INTS2: variants seen among roughly 807,000 people sequenced by gnomAD.
INTS2 encodes the protein integrator complex subunit 2, also known as KIAA1287.
INTS2 carries 57 observed loss-of-function variants against 139.6 expected under a neutral mutation model. The ratio of observed to expected loss-of-function variants is 0.41; its 90% CI spans 0.33 to 0.51. The LOEUF (loss-of-function observed/expected upper bound fraction) is 0.51. Ranked by LOEUF, INTS2 falls within the 20% of genes least tolerant of loss-of-function variation. The pLI, the probability that INTS2 is intolerant of heterozygous loss-of-function variation, is 0.28. For missense variants in INTS2, 1,196 were observed against 1,436.7 expected, an observed-to-expected ratio of 0.83 and a Z score of 2.71; for synonymous variants, 473 against 493.4, an observed-to-expected ratio of 0.96 and a Z score of 0.55.
In INTS2 at chr17:61,909,088, T is replaced by C. The variant is rs2079495949; in HGVS notation, c.955-1454A>G. Reference sequence around the variant, plus strand: ...AAGCAGGTGAACGTATAAAATAAAATGTGGTATATACACACAATGGAATAT... The same window carrying C: ...AAGCAGGTGAACGTATAAAATAAAACGTGGTATATACACACAATGGAATAT... On this transcript the variant is annotated intron_variant, in intron 7 of 24. Coordinates refer to ENST00000251334, the MANE Select transcript of INTS2 (RefSeq NM_001351695.2). The surrounding 1 kb of genome is among the most constrained non-coding windows in gnomAD (Gnocchi z 4.9). 6.6e-6 allele frequency among the ~76,000 whole-genome samples: 1 copy of C among 152,136 alleles called. No individual in the cohort carries two copies.
rs2079173911 is a variant in INTS2 at position 61,881,073 on chromosome 17, C to T, written c.2188G>A (p.Ala730Thr). 1.9e-6 allele frequency: 3 copies of T among 1,613,650 alleles called. No individual in the cohort carries two copies. The highest frequency in any genetic ancestry group is 1.7e-6 in the Non-Finnish European group (2 of 1,179,570). Residue 730 changes from alanine (A) to threonine (T), a missense_variant, in exon 17 of 25, where the codon GCC becomes ACC. Ala to Thr is a moderately conservative substitution (Grantham distance 58). Around this residue, in one of 3 missense-constraint regions of INTS2, gnomAD observed 1,129 missense variants for 1,341.9 expected, o/e 0.84. Transcript: ENST00000251334. ...ICEEEITGTD[A>T]LLRRMLLTNN... ...GTCAGGAGCATTCGCCGTAGCAGGGCATCAGTCCCTGTGATTTCTTCTTCA... is the reference window on the plus strand; with the variant it reads ...GTCAGGAGCATTCGCCGTAGCAGGGTATCAGTCCCTGTGATTTCTTCTTCA...
intron 7 of INTS2, 76 bp from the exon 8 acceptor site, chr17:61,907,710 C>T: frequency 8.7e-7 from 1 of 1,154,848 alleles, no homozygotes; most frequent in Non-Finnish European, 1.2e-6. Context: ...AAACATAGCA[C>T]CCCACTTAAA....
In INTS2 at chr17:61,867,485, G is replaced by C; in HGVS notation, c.*72C>G. 2.3e-6 allele frequency: 2 copies of C among 857,500 alleles called. No homozygotes were observed. The highest frequency in any genetic ancestry group is 3.7e-6 in the Non-Finnish European group (2 of 547,414). 53.1% of individuals were successfully genotyped at this position (857,500 alleles called of 1,614,324 possible). On this transcript the variant is annotated 3_prime_UTR_variant, in exon 25 of 25. Coordinates refer to ENST00000251334, the MANE Select transcript of INTS2 (RefSeq NM_001351695.2). This position sits in a 1 kb window ranked among gnomAD's most constrained non-coding sequence, Gnocchi z 5.6. ...TACTTTACTGTTCCCATTCAGTTTAGAGTTGTTACTAATATGCAGATTCAT... is the reference window on the plus strand; with the variant it reads ...TACTTTACTGTTCCCATTCAGTTTACAGTTGTTACTAATATGCAGATTCAT...
Position 61,875,131 on chromosome 17 carries a change from G to T in INTS2, c.2457-93C>A. On this transcript the variant is annotated intron_variant, in intron 18 of 24. Coordinates refer to ENST00000251334, the MANE Select transcript of INTS2 (RefSeq NM_001351695.2). This position sits in a 1 kb window ranked among gnomAD's most constrained non-coding sequence, Gnocchi z 4.6. ...TTTCTATCTTAGAAAGTTATATTCA[G>T]TAAATAATTAGAAAATACATATGAA... The T allele has an allele frequency of 1.1e-6, 1 of 892,436 alleles. No individual in the cohort carries two copies. The highest frequency in any genetic ancestry group is 1.6e-6 in the Non-Finnish European group (1 of 642,342). The allele number at this position is 892,436 out of a possible 1,614,324, so 55.3% of individuals were successfully genotyped here.
Position 61,870,265 on chromosome 17 carries a change from C to T in INTS2, c.2779-277G>A, listed in dbSNP as rs1209364582. Among the ~76,000 whole-genome samples the T allele has an allele frequency of 6.6e-6, 1 of 152,152 alleles. No individual in the cohort carries two copies. Among genetic ancestry groups the T allele is most frequent in the African/African-American group, 2.4e-5 (1 of 41,430 alleles). The stretch of plus-strand genomic sequence containing the variant: ...CAAACATCATTACATAATGATATCA[C>T]ATATCTCTAAAATAGATCCATGGAC... On this transcript the variant is annotated intron_variant, in intron 20 of 24. Transcript: ENST00000251334. The surrounding 1 kb of genome is among the most constrained non-coding windows in gnomAD (Gnocchi z 4.4).
chr17:61,919,857 C>A (rs1451132287), intron 4 of INTS2, among the ~76,000 whole-genome samples: 1 of 152,016 alleles, frequency 6.6e-6, no homozygotes, highest in Non-Finnish European at 1.5e-5. Flanking sequence ...GCCTCCTAAA[C>A]TCCTAGAATT....
intron 18 of INTS2, among the ~76,000 whole-genome samples, chr17:61,877,310 T>A (rs1160430934): frequency 6.6e-6 from 1 of 152,224 alleles, no homozygotes; most frequent in African/African-American, 2.4e-5. Context: ...AGACCTTATA[T>A]ACTACTTAAC....
chr17:61,880,096 T>G (rs1248305876), intron 17 of INTS2, among the ~76,000 whole-genome samples: 1 of 152,120 alleles, frequency 6.6e-6, no homozygotes, highest in African/African-American at 2.4e-5. Flanking sequence ...CAGGCTGGAG[T>G]GCAGTGGTGC....
intron 6 of INTS2, 42 bp from the exon 7 acceptor site, chr17:61,911,735 C>G (rs760568863): frequency 7.6e-6 from 12 of 1,572,408 alleles, no homozygotes; most frequent in Admixed American, 7.5e-5. Flanking sequence ...GTATCATAAG[C>G]AAAAAGGCCA....
rs1280372315 is a variant in INTS2, at chr17:61,893,724, T to C, written c.1698+41A>G. The C allele has an allele frequency of 3.5e-6, 5 of 1,409,974 alleles. No homozygotes were observed. The South Asian group carries it at 5.2e-5, about 15-fold the overall frequency. 87.3% of individuals were successfully genotyped at this position (1,409,974 alleles called of 1,614,324 possible). ...GAAAAAAAATATATATATAAAAATG[T>C]AGGGGCATGCTTTTATTTTGTTTTA... is the stretch of plus-strand genomic sequence containing the variant. On this transcript the variant is annotated intron_variant, in intron 13 of 24. Coordinates refer to ENST00000251334, the MANE Select transcript of INTS2 (RefSeq NM_001351695.2). This position sits in a 1 kb window ranked among gnomAD's most constrained non-coding sequence, Gnocchi z 5.4.
Position 61,907,567 on chromosome 17 carries a change from C to A in INTS2, c.1022G>T (p.Gly341Val). 6 of 1,593,010 alleles carry A rather than the reference C, an allele frequency of 3.8e-6. No individual in the cohort carries two copies. Among genetic ancestry groups the A allele is most frequent in the Non-Finnish European group, 5.1e-6 (6 of 1,169,194 alleles). Residue 341 changes from glycine to valine, a missense_variant, in exon 8 of 25, where the codon GGC (glycine) becomes GTC (valine). This residue lies in a region of INTS2 where 1,129 missense variants were observed against 1,341.9 expected (regional missense o/e 0.84). Transcript: ENST00000251334. Reference sequence around the variant, plus strand: ...GGTGCTTCTTACTGTGGGAAGAATGCCCATCAACTCCAGAAGAAGCTGCCT... The same window carrying A: ...GGTGCTTCTTACTGTGGGAAGAATGACCATCAACTCCAGAAGAAGCTGCCT... ...MRRQLLLELM[G>V]ILPTVRSTRI... is the part of the protein sequence containing the mutation.
At chr17:61,881,597 A>G (rs1406260343) in intron 16 of INTS2, among the ~76,000 whole-genome samples, 2 of 152,192 alleles carry the variant, frequency 1.3e-5, no homozygotes, top group Admixed American at 6.5e-5. Flanking sequence ...CTCCCGTTCA[A>G]AAATAAAAAA....
Position 61,897,507 on chromosome 17 carries a change from C to T in INTS2, c.1456G>A (p.Ala486Thr). The change falls in exon 11 of 25, where the codon GCT becomes ACT. Residue 486 changes from alanine (A) to threonine (T), a missense_variant. Ala to Thr is a moderately conservative substitution (Grantham distance 58). Coordinates refer to ENST00000251334, the MANE Select transcript of INTS2 (RefSeq NM_001351695.2). This position sits in a 1 kb window ranked among gnomAD's most constrained non-coding sequence, Gnocchi z 4.4. ...GTGGAACAGACCAAGTCAATGATAG[C>T]ACTAAGCTGGTTGCTGTGAAAGTAC... The part of the protein sequence containing the change: ...AMYFHSNQLS[A>T]IIDLVCSTLG... 6.2e-7 allele frequency: 1 copy of T among 1,601,712 alleles called. No individual in the cohort carries two copies. Among genetic ancestry groups the T allele is most frequent in the East Asian group, 2.2e-5 (1 of 44,590 alleles).
intron 7 of INTS2, among the ~76,000 whole-genome samples, chr17:61,908,949 C>T (rs535696546): frequency 2.6e-4 from 39 of 152,028 alleles, no homozygotes; most frequent in Non-Finnish European, 4.3e-4. Flanking sequence ...CGAGTTAAAT[C>T]GCAATCTGCA....
At chr17:61,906,283 C>T (rs956769387) in intron 8 of INTS2, among the ~76,000 whole-genome samples, 1 of 152,080 alleles carries the variant, frequency 6.6e-6, no homozygotes, top group Non-Finnish European at 1.5e-5. Flanking sequence ...TATAAACATT[C>T]CAAAATCCGA....
At chr17:61,919,257 T>G (rs1449374650) in intron 5 of INTS2, 143 bp downstream of exon 5, 1 of 546,326 alleles carries the variant, frequency 1.8e-6, no homozygotes. Context: ...GTGAACTCAA[T>G]ATTTCTTTAT....
intron 5 of INTS2, among the ~76,000 whole-genome samples, chr17:61,914,382 C>G (rs1666231494): frequency 6.6e-6 from 1 of 152,020 alleles, no homozygotes; most frequent in African/African-American, 2.4e-5. Flanking sequence ...ATGGTGAAAC[C>G]CCATATCCAC....
Position 61,869,248 on chromosome 17 carries a change from C to T in INTS2, c.3138+25G>A. The T allele has an allele frequency of 6.5e-7, 1 of 1,532,816 alleles. No homozygotes were observed. The highest frequency in any genetic ancestry group is 9.0e-7 in the Non-Finnish European group (1 of 1,113,542). 95.0% of individuals were successfully genotyped at this position (1,532,816 alleles called of 1,614,324 possible). On this transcript the variant is annotated intron_variant, in intron 22 of 24. Transcript: ENST00000251334. This position sits in a 1 kb window ranked among gnomAD's most constrained non-coding sequence, Gnocchi z 5.4. ...AAGACTGGAGAGAGAGATCAATTGT[C>T]CTAAAGCTCCAAAATGCTCATTACC... is the stretch of plus-strand genomic sequence containing the variant.
chr17:61,914,089 C>T (rs959430585), intron 5 of INTS2, among the ~76,000 whole-genome samples: 1 of 151,232 alleles, frequency 6.6e-6, no homozygotes, highest in Non-Finnish European at 1.5e-5. Context: ...AAGACAGAGA[C>T]TGCCACTAGA....
Sources: gnomAD v4.1 joint callset for allele counts (sites outside exome capture counted in the v4.1 genomes callset) on GRCh38, gnomAD v4.1.1 for gene constraint, gnomAD v4.1.1 regional missense constraint, Gnocchi (gnomAD v3.1) non-coding constraint, MANE v1.5 for transcripts, NCBI Gene and HGNC (gene_info 2026-07-23, HGNC 2026-07-21) for gene names.